Variants in ACTR10 observed in about 807,000 individuals in gnomAD.
The protein encoded by ACTR10 is actin-related protein 10.
In ACTR10, 43 loss-of-function variants were observed where a neutral mutation model predicts 56.2. The observed-to-expected ratio is 0.77, with a 90% CI of 0.60 to 0.99. The LOEUF is 0.99. ACTR10 is among the 50% of genes least tolerant of loss of function. The pLI is 0.00. For synonymous variants in ACTR10, 170 were observed against 176.3 expected (o/e 0.96, Z 0.28); for missense variants, 466 against 507.8 (o/e 0.92, Z 0.79).
At chr14:58,229,261 G>A (rs1300935896) in intron 10 of ACTR10, among the ~76,000 whole-genome samples, 1 of 152,104 alleles carries the variant, frequency 6.6e-6, no homozygotes, top group East Asian at 1.9e-4. Flanking sequence ...GGGAGGGGAA[G>A]GAAATGAGGA....
chr14:58,207,020 ATTTT>A (rs67404166), intron 2 of ACTR10: 5 of 124,610 alleles, frequency 4.0e-5, no homozygotes, highest in South Asian at 2.6e-4. Context: ...TCAATGCTGA[ATTTT>A]TTTTTTTTTT....
intron 3 of ACTR10, among the ~76,000 whole-genome samples, chr14:58,208,747 C>CTCAAGTTGG (rs1566623587): frequency 6.6e-6 from 1 of 151,624 alleles, no homozygotes; most frequent in Non-Finnish European, 1.5e-5. Context: ...TATATAATGG[C>CTCAAGTTGG]TCAAGTTGGT....
At chr14:58,226,428 TAAA>T (rs34541151) in intron 10 of ACTR10, among the ~76,000 whole-genome samples, 11 of 132,292 alleles carry the variant, frequency 8.3e-5, no homozygotes, top group Admixed American at 7.6e-5. Context: ...CTATTTTCTT[TAAA>T]AAAAAAAAAA....
At chr14:58,225,051 A>G (rs755531851) in intron 10 of ACTR10, among the ~76,000 whole-genome samples, 16 of 152,036 alleles carry the variant, frequency 1.1e-4, no homozygotes, top group African/African-American at 2.7e-4. Context: ...CAACTACTCA[A>G]CTCTATAGTT....
chr14:58,209,143 T>C, intron 4 of ACTR10, 36 bp downstream of exon 4: 3 of 1,398,662 alleles, frequency 2.1e-6, no homozygotes, highest in East Asian at 2.3e-5. Context: ...AAATTGCTTT[T>C]GAAATAAAAA....
chr14:58,203,140 A>G (rs1276908793), intron 2 of ACTR10, among the ~76,000 whole-genome samples: 1 of 151,932 alleles, frequency 6.6e-6, no homozygotes, highest in Non-Finnish European at 1.5e-5. Flanking sequence ...TGTCTCAACT[A>G]AAAATACAAA....
In ACTR10 at chr14:58,223,659, A is replaced by G. The variant is rs1889331592; in HGVS notation, c.672A>G (p.Leu224=). The change falls in exon 9 of 13, where the codon CTA becomes CTG. Residue 224 remains leucine, a synonymous_variant. Transcript: ENST00000254286. ...TTGTAAGTGATCTGAAGCGAGGACT[A>G]AAAATCCAAGCAGCAAAATTTAATA... ...TCFVSDLKRG[L]KIQAAKFNID... The G allele has an allele frequency of 6.2e-7, 1 of 1,613,496 alleles. No individual in the cohort carries two copies. Among genetic ancestry groups the G allele is most frequent in the Admixed American group, 1.7e-5 (1 of 59,934 alleles).
Position 58,234,700 on chromosome 14 carries a change from T to C in ACTR10, c.*149T>C. The stretch of plus-strand genomic sequence containing the variant: ...TACTCTTTGCATTAATATATAATTC[T>C]TTTGACTTTGTTTCTCTTGTGTAGT... On this transcript the variant is annotated 3_prime_UTR_variant, in exon 13 of 13. Coordinates refer to ENST00000254286, the MANE Select transcript of ACTR10 (RefSeq NM_018477.3). 4.6e-6 allele frequency: 3 copies of C among 658,002 alleles called. No individual in the cohort carries two copies. The highest frequency in any genetic ancestry group is 6.8e-6 in the Non-Finnish European group (3 of 438,560). 40.8% of individuals were successfully genotyped at this position (658,002 alleles called of 1,614,324 possible). A position where few individuals can be genotyped will look rare whatever the true frequency, so the allele number is the denominator to read the frequency against.
At chr14:58,207,290 C>G (rs918359223) in intron 2 of ACTR10, 1 of 153,162 alleles carries the variant, frequency 6.5e-6, no homozygotes, top group African/African-American at 2.4e-5. Context: ...ATCCACCTGC[C>G]TCGGCCTCCC....
chr14:58,201,488 G>A (rs952990434), intron 1 of ACTR10, among the ~76,000 whole-genome samples: 17 of 152,192 alleles, frequency 1.1e-4, no homozygotes, highest in Admixed American at 7.9e-4. Context: ...TGTTTGAGGA[G>A]CACTGATGCA....
intron 7 of ACTR10, among the ~76,000 whole-genome samples, chr14:58,215,510 T>C (rs1422429275): frequency 6.6e-6 from 1 of 152,170 alleles, no homozygotes; most frequent in African/African-American, 2.4e-5. Context: ...CATCATGTAC[T>C]CTTGAATGCT....
intron 10 of ACTR10, among the ~76,000 whole-genome samples, chr14:58,225,155 C>T (rs1285572554): frequency 6.6e-6 from 1 of 152,116 alleles, no homozygotes; most frequent in Non-Finnish European, 1.5e-5. Flanking sequence ...GGCTGTATTT[C>T]ATTCTCAGGC....
intron 8 of ACTR10, among the ~76,000 whole-genome samples, chr14:58,221,239 C>G (rs532331409): frequency 6.8e-6 from 1 of 148,122 alleles, no homozygotes; most frequent in Non-Finnish European, 1.5e-5. Context: ...GCCAAGATCG[C>G]GCCACTGCAC....
At chr14:58,232,893 G>A (rs1021919275) in intron 12 of ACTR10, among the ~76,000 whole-genome samples, 11 of 131,506 alleles carry the variant, frequency 8.4e-5, no homozygotes, top group Non-Finnish European at 1.7e-4. Flanking sequence ...TTTTTGAGAC[G>A]TTTCATCTTT....
chr14:58,225,682 T>A (rs1889379596), intron 10 of ACTR10, among the ~76,000 whole-genome samples: 1 of 151,876 alleles, frequency 6.6e-6, no homozygotes, highest in Non-Finnish European at 1.5e-5. Flanking sequence ...CTTAAAGAAA[T>A]ACAGAGGCCA....
At chr14:58,202,340 G>C (rs1888734447) in intron 1 of ACTR10, among the ~76,000 whole-genome samples, 1 of 151,966 alleles carries the variant, frequency 6.6e-6, no homozygotes. Context: ...CCAGCACTTT[G>C]GGAGGCCGAC....
chr14:58,200,577 A>G (rs779951756), intron 1 of ACTR10, among the ~76,000 whole-genome samples: 6 of 152,268 alleles, frequency 3.9e-5, no homozygotes, highest in African/African-American at 1.2e-4. Context: ...CTTTGGGATC[A>G]TCTGTGTAGG....
At chr14:58,231,078 A>AGG (rs1889521439) in intron 11 of ACTR10, 4 of 228,188 alleles carry the variant, frequency 1.8e-5, no homozygotes, top group Non-Finnish European at 3.6e-5. Context: ...TTTTTTTGAC[A>AGG]GTGTTGCTCT....
At chr14:58,227,413 C>T (rs780146945) in intron 10 of ACTR10, among the ~76,000 whole-genome samples, 1 of 152,206 alleles carries the variant, frequency 6.6e-6, no homozygotes, top group Non-Finnish European at 1.5e-5. Flanking sequence ...TAGACTTTTA[C>T]AGTTGTCTCA....
Sources: gnomAD v4.1 joint callset for allele counts (sites outside exome capture counted in the v4.1 genomes callset) on GRCh38, gnomAD v4.1.1 for gene constraint, MANE v1.5 for transcripts, NCBI Gene and HGNC (gene_info 2026-07-23, HGNC 2026-07-21) for gene names.